Variants in SNX9 observed in about 807,000 individuals in gnomAD.
SNX9 encodes the protein sorting nexin-9.
In SNX9, 44 loss-of-function variants were observed where a neutral mutation model predicts 89.4. That is an observed-to-expected ratio of 0.49 (90% CI 0.39 to 0.63). SNX9 has a LOEUF of 0.63. Among genes scored for constraint, SNX9 ranks in the 30% least tolerant of loss-of-function variants. The pLI, the probability that SNX9 is intolerant of heterozygous loss-of-function variation, is 0.00. For synonymous variants in SNX9, 236 were observed against 247.8 expected, an observed-to-expected ratio of 0.95 and a Z score of 0.45; for missense variants, 578 against 736.1, an observed-to-expected ratio of 0.79 and a Z score of 2.49.
intron 3 of SNX9, 144 bp from the exon 4 acceptor site, chr6:157,874,907 G>A: frequency 2.6e-6 from 2 of 756,270 alleles, no homozygotes; most frequent in Non-Finnish European, 4.0e-6. Flanking sequence ...ATTAAAATAT[G>A]AGTATGCGGC....
At chr6:157,852,581 T>C (rs1781935212) in intron 1 of SNX9, among the ~76,000 whole-genome samples, 1 of 131,720 alleles carries the variant, frequency 7.6e-6, no homozygotes, top group South Asian at 2.1e-4. Flanking sequence ...GTGCTACTTT[T>C]TTGTTTTGTT....
At chr6:157,830,836 T>A (rs1781465875) in intron 1 of SNX9, among the ~76,000 whole-genome samples, 1 of 152,212 alleles carries the variant, frequency 6.6e-6, no homozygotes, top group Non-Finnish European at 1.5e-5. Flanking sequence ...GGAACTCTAG[T>A]AACATGAAAA....
chr6:157,938,784 G>GTT, intron 16 of SNX9, 37 bp downstream of exon 16: 4 of 1,495,940 alleles, frequency 2.7e-6, no homozygotes, highest in South Asian at 2.4e-5. Flanking sequence ...GCTGGTGGAA[G>GTT]TTTTTTTTTC....
intron 9 of SNX9, among the ~76,000 whole-genome samples, chr6:157,918,344 T>C (rs1397942924): frequency 6.6e-6 from 1 of 152,196 alleles, no homozygotes; most frequent in Admixed American, 6.5e-5. Flanking sequence ...ACCTCTTATA[T>C]CATGAGGTGT....
rs148372554 is a variant in SNX9 at position 157,941,413 on chromosome 6, G to A, written c.1740+439G>A. On this transcript the variant is annotated intron_variant, in intron 17 of 17. Transcript: ENST00000392185. ...TTTGTGAATGAGGTTTTCACAGTGC[G>A]CCATGGAAATCGCAGAGAGAAAACC... Among the ~76,000 whole-genome samples the A allele has an allele frequency of 2.0e-3, 311 of 152,304 alleles. 1 individual carries two copies. Among genetic ancestry groups the A allele is most frequent in the Non-Finnish European group, 3.5e-3 (240 of 68,026 alleles).
intron 1 of SNX9, among the ~76,000 whole-genome samples, chr6:157,845,345 A>G (rs956475788): frequency 1.3e-5 from 2 of 152,062 alleles, no homozygotes; most frequent in Admixed American, 1.3e-4. Context: ...TCCTGACCTC[A>G]GGTGGTCTGC....
intron 9 of SNX9, among the ~76,000 whole-genome samples, chr6:157,915,912 T>G (rs899796226): frequency 9.9e-5 from 15 of 151,616 alleles, no homozygotes. Context: ...TTTCTAGTTA[T>G]GTATTGCATA....
chr6:157,870,328 C>T (rs545468298), intron 2 of SNX9, among the ~76,000 whole-genome samples: 9 of 151,062 alleles, frequency 6.0e-5, no homozygotes, highest in African/African-American at 2.2e-4. Context: ...ACTCTCTCAC[C>T]TGCGCTCACA....
intron 9 of SNX9, among the ~76,000 whole-genome samples, chr6:157,910,442 T>A (rs1354072396): frequency 6.6e-6 from 1 of 152,250 alleles, no homozygotes; most frequent in Non-Finnish European, 1.5e-5. Context: ...GCTGCATTAT[T>A]TCATTAGATG....
chr6:157,850,343 A>G (rs776070762), intron 1 of SNX9, among the ~76,000 whole-genome samples: 1 of 152,182 alleles, frequency 6.6e-6, no homozygotes, highest in Non-Finnish European at 1.5e-5. Flanking sequence ...ACTTCTCTGA[A>G]ATTTGAATTT....
intron 2 of SNX9, among the ~76,000 whole-genome samples, chr6:157,871,416 G>A (rs539141853): frequency 3.3e-4 from 50 of 152,020 alleles, no homozygotes; most frequent in Non-Finnish European, 6.6e-4. Flanking sequence ...AAAAGATTAT[G>A]TAGTAATTTT....
chr6:157,899,587 A>G (rs899221233), intron 5 of SNX9, among the ~76,000 whole-genome samples: 10 of 152,094 alleles, frequency 6.6e-5, no homozygotes, highest in African/African-American at 2.4e-4. Flanking sequence ...CCTGGCTAAC[A>G]CGGTGAAACC....
At chr6:157,926,252 C>CG (rs1014404777) in intron 10 of SNX9, among the ~76,000 whole-genome samples, 1 of 152,076 alleles carries the variant, frequency 6.6e-6, no homozygotes, top group Non-Finnish European at 1.5e-5. Flanking sequence ...AAGGACAATG[C>CG]GGGGGCTTTT....
chr6:157,844,587 G>GTTTTTTTGTTTTGTTTTTTTTTTTTTTTT (rs1554291784), intron 1 of SNX9, among the ~76,000 whole-genome samples: 1 of 130,298 alleles, frequency 7.7e-6, no homozygotes, highest in Non-Finnish European at 1.6e-5. Flanking sequence ...GCTAATCCTT[G>GTTTTTTTGTTTTGTTTTTTTTTTTTTTTT]TTTTTTTTTT....
At chr6:157,855,696 T>C (rs1020100737) in intron 1 of SNX9, among the ~76,000 whole-genome samples, 4 of 152,222 alleles carry the variant, frequency 2.6e-5, no homozygotes, top group Admixed American at 6.5e-5. Context: ...GTCTGTGTTA[T>C]GAATTGCAGA....
chr6:157,941,388 T>C (rs1784032483), intron 17 of SNX9, among the ~76,000 whole-genome samples: 1 of 152,204 alleles, frequency 6.6e-6, no homozygotes, highest in Non-Finnish European at 1.5e-5. Flanking sequence ...GCCTTTGCTT[T>C]TTGTGAATGA....
intron 4 of SNX9, among the ~76,000 whole-genome samples, chr6:157,890,333 A>G (rs1249313569): frequency 1.3e-5 from 2 of 152,170 alleles, no homozygotes; most frequent in Non-Finnish European, 2.9e-5. Flanking sequence ...AAGCCAGTCT[A>G]CTTTCTGAAG....
At chr6:157,941,016 A>G in intron 17 of SNX9, 42 bp downstream of exon 17, 1 of 1,533,018 alleles carries the variant, frequency 6.5e-7, no homozygotes, top group Non-Finnish European at 9.0e-7. Context: ...GCTTGAGGAG[A>G]GGGTTCCTGG....
intron 1 of SNX9, among the ~76,000 whole-genome samples, chr6:157,866,410 CA>C (rs1214404198): frequency 6.6e-6 from 1 of 152,064 alleles, no homozygotes; most frequent in Admixed American, 6.5e-5. Flanking sequence ...CTTATCTCTA[CA>C]AAAAATACAA....
Sources: gnomAD v4.1 joint callset for allele counts (sites outside exome capture counted in the v4.1 genomes callset) on GRCh38, gnomAD v4.1.1 for gene constraint, MANE v1.5 for transcripts, NCBI Gene and HGNC (gene_info 2026-07-23, HGNC 2026-07-21) for gene names.